Variants in GABPA observed in about 807,000 individuals in gnomAD.
The protein encoded by GABPA is GA-binding protein alpha chain.
Under a neutral mutation model 59.4 loss-of-function variants are expected in GABPA, and 4 were observed. That is an observed-to-expected ratio of 0.07 (90% CI 0.03 to 0.15). The LOEUF (loss-of-function observed/expected upper bound fraction) is 0.15. Among genes scored for constraint, GABPA ranks in the 10% least tolerant of loss-of-function variants. The pLI is 1.00. For missense variants in GABPA, 251 were observed against 543.8 expected, an observed-to-expected ratio of 0.46 and a Z score of 5.36; for synonymous variants, 164 against 183.1, an observed-to-expected ratio of 0.90 and a Z score of 0.84.
chr21:25,758,607 C>T (rs1319360630), intron 6 of GABPA, among the ~76,000 whole-genome samples: 3 of 152,138 alleles, frequency 2.0e-5, no homozygotes, highest in East Asian at 3.9e-4. Context: ...CATCTAGAAA[C>T]GGAAGAGATC....
At chr21:25,744,099 G>A (rs887538693) in intron 2 of GABPA, among the ~76,000 whole-genome samples, 12 of 149,320 alleles carry the variant, frequency 8.0e-5, no homozygotes, top group East Asian at 2.0e-4. Flanking sequence ...TGGTAAAAAG[G>A]CTTACTTAAA....
intron 1 of GABPA, among the ~76,000 whole-genome samples, chr21:25,739,353 C>T (rs1310503031): frequency 6.6e-6 from 1 of 152,166 alleles, no homozygotes; most frequent in African/African-American, 2.4e-5. Context: ...TTAAAAACAC[C>T]ACCTGTTTAT....
intron 2 of GABPA, among the ~76,000 whole-genome samples, chr21:25,743,367 C>T (rs1411963523): frequency 1.3e-5 from 2 of 152,178 alleles, no homozygotes; most frequent in African/African-American, 4.8e-5. Flanking sequence ...TCATTGGCAG[C>T]CCTCTTGGAG....
At position 25,771,742 on chromosome 21, in the gene GABPA, G is replaced by A. The variant is rs1322914628; in HGVS notation, c.*2510G>A. The A allele has an allele frequency of 6.6e-6, 1 of 151,972 alleles. No homozygotes were observed. Among genetic ancestry groups the A allele is most frequent in the African/African-American group, 2.4e-5 (1 of 41,446 alleles). 9.4% of individuals were successfully genotyped at this position (151,972 alleles called of 1,614,324 possible). A position where few individuals can be genotyped will look rare whatever the true frequency, so the allele number is the denominator to read the frequency against. ...CATCATTTGTACCTTAGAAGTACAAGAATTTAAGTAAAAGAAATGTTCATT... is the reference window on the plus strand; with the variant it reads ...CATCATTTGTACCTTAGAAGTACAAAAATTTAAGTAAAAGAAATGTTCATT... On this transcript the variant is annotated 3_prime_UTR_variant, in exon 10 of 10. Transcript: ENST00000400075.
chr21:25,764,896 G>C (rs1340106378), intron 9 of GABPA, 109 bp downstream of exon 9: 4 of 714,694 alleles, frequency 5.6e-6, no homozygotes, highest in Non-Finnish European at 8.1e-6. Flanking sequence ...TTAAAAACTT[G>C]TTTATGTTTT....
chr21:25,755,533 G>C (rs2035615617), intron 5 of GABPA, among the ~76,000 whole-genome samples: 1 of 152,046 alleles, frequency 6.6e-6, no homozygotes, highest in Non-Finnish European at 1.5e-5. Flanking sequence ...AGATAGGGGT[G>C]AGCATTTGGG....
chr21:25,750,864 A>G (rs1601126871), intron 4 of GABPA, among the ~76,000 whole-genome samples: 1 of 152,346 alleles, frequency 6.6e-6, no homozygotes, highest in Non-Finnish European at 1.5e-5. Flanking sequence ...ATTAGGAAAT[A>G]GATTTTAACA....
chr21:25,745,118 G>A (rs2035328694), intron 2 of GABPA, 92 bp from the exon 3 acceptor site: 1 of 1,379,796 alleles, frequency 7.2e-7, no homozygotes, highest in African/African-American at 1.5e-5. Context: ...CCAGAAATGT[G>A]TTTTGGTTTG....
At chr21:25,768,982 A>T (rs764748623) in intron 9 of GABPA, 22 bp from the exon 10 acceptor site, 78 of 1,455,346 alleles carry the variant, frequency 5.4e-5, no homozygotes, top group East Asian at 5.1e-4. Flanking sequence ...GAAGTCTCTA[A>T]TTTTTTTTTC....
chr21:25,756,246 A>G (rs929856071), intron 5 of GABPA, among the ~76,000 whole-genome samples: 12 of 152,026 alleles, frequency 7.9e-5, no homozygotes, highest in Non-Finnish European at 1.8e-4. Flanking sequence ...CTTTTAAAAG[A>G]GGTGTGTTTC....
At chr21:25,764,534 T>A in intron 8 of GABPA, 61 bp from the exon 9 acceptor site, 1 of 1,514,360 alleles carries the variant, frequency 6.6e-7, no homozygotes, top group African/African-American at 1.4e-5. Context: ...CAGTTTGTTG[T>A]CTTTGCCTTG....
chr21:25,740,934 T>C (rs1398054038), intron 1 of GABPA, among the ~76,000 whole-genome samples: 1 of 152,232 alleles, frequency 6.6e-6, no homozygotes, highest in African/African-American at 2.4e-5. Context: ...CATGTTAAGC[T>C]TCAGGTTTGA....
At position 25,735,109 on chromosome 21, in the gene GABPA, CT is replaced by C; in HGVS notation, c.-492del. On this transcript the variant is annotated 5_prime_UTR_variant, in exon 1 of 10. Transcript: ENST00000400075. ...GGTCCCCTGGCACAGCCTCCGCCAT[CT>C]TTTCTTCGCCTAATTTGACCCGTTC... 1 of 760,002 alleles carries C rather than the reference CT, an allele frequency of 1.3e-6. No individual in the cohort carries two copies. Among genetic ancestry groups the C allele is most frequent in the Non-Finnish European group, 2.3e-6 (1 of 442,162 alleles). 47.1% of individuals were successfully genotyped at this position (760,002 alleles called of 1,614,324 possible). A position where few individuals can be genotyped will look rare whatever the true frequency, so the allele number is the denominator to read the frequency against.
At chr21:25,755,069 GTAAA>G (rs1425455400) in intron 5 of GABPA, among the ~76,000 whole-genome samples, 8 of 151,984 alleles carry the variant, frequency 5.3e-5, no homozygotes, top group Admixed American at 5.3e-4. Flanking sequence ...AAAAATAAGA[GTAAA>G]TAACTTTAAA....
Position 25,735,011 on chromosome 21 carries a change from C to T in GABPA, c.-594C>T. 1 of 1,535,514 alleles carries T rather than the reference C, an allele frequency of 6.5e-7. No individual in the cohort carries two copies. The highest frequency in any genetic ancestry group is 8.8e-7 in the Non-Finnish European group (1 of 1,137,606). ...CACCGGACAGGAAGCGTCTCGGAGA[C>T]AGTCTGCGACCGGACGGGTCTAGGT... On this transcript the variant is annotated 5_prime_UTR_variant, in exon 1 of 10. Coordinates refer to ENST00000400075, the MANE Select transcript of GABPA (RefSeq NM_002040.4).
At chr21:25,747,851 G>T (rs1315105305) in intron 3 of GABPA, among the ~76,000 whole-genome samples, 4 of 152,146 alleles carry the variant, frequency 2.6e-5, no homozygotes, top group African/African-American at 9.7e-5. Flanking sequence ...TTAATGAAAT[G>T]TATATTAATG....
At chr21:25,745,409 T>G in intron 3 of GABPA, 55 bp downstream of exon 3, 1 of 1,534,748 alleles carries the variant, frequency 6.5e-7, no homozygotes, top group African/African-American at 1.4e-5. Context: ...CATAGGAATA[T>G]TTTTTGTTAG....
intron 9 of GABPA, 100 bp downstream of exon 9, chr21:25,764,887 TA>T (rs926833862): frequency 2.6e-6 from 2 of 779,374 alleles, no homozygotes; most frequent in Admixed American, 7.8e-5. Context: ...GTAATGATAT[TA>T]AAAACTTGTT....
At chr21:25,744,811 G>A (rs1390448203) in intron 2 of GABPA, among the ~76,000 whole-genome samples, 2 of 151,962 alleles carry the variant, frequency 1.3e-5, no homozygotes, top group East Asian at 3.8e-4. Flanking sequence ...GTGGGGAAGG[G>A]AAATTGACTA....
Sources: gnomAD v4.1 joint callset for allele counts (sites outside exome capture counted in the v4.1 genomes callset) on GRCh38, gnomAD v4.1.1 for gene constraint, MANE v1.5 for transcripts, NCBI Gene and HGNC (gene_info 2026-07-23, HGNC 2026-07-21) for gene names.